RANBP2: variants seen among roughly 807,000 people sequenced by gnomAD.
RANBP2 encodes RAN binding protein 2.
A neutral mutation model predicts 303.6 loss-of-function variants in RANBP2; 57 were observed. The ratio of observed to expected loss-of-function variants is 0.19; its 90% CI spans 0.15 to 0.23. RANBP2 has a LOEUF of 0.23. RANBP2 is among the 10% of genes least tolerant of loss of function. RANBP2 has a pLI of 1.00. For missense variants in RANBP2, 3,138 were observed against 3,780.8 expected (o/e 0.83, Z 4.46); for synonymous variants, 1,167 against 1,301.5 (o/e 0.90, Z 2.23).
At chr2:109,160,076 G>A in the RANBP2 span, among the ~76,000 whole-genome samples, 1 of 152,212 alleles carries the variant, frequency 6.6e-6, no homozygotes, top group Non-Finnish European at 1.5e-5. Context: ...GTGCCAAAAA[G>A]GTTGGAGACT....
At chr2:109,613,147 T>A in the RANBP2 span, 2 of 1,286,990 alleles carry the variant, frequency 1.6e-6, no homozygotes, top group Admixed American at 2.3e-5. Flanking sequence ...TACACGACCT[T>A]GGTACTATTA....
chr2:109,165,493 T>G, the RANBP2 span, among the ~76,000 whole-genome samples: 124,070 of 152,210 alleles, frequency 0.82, 50,740 homozygotes, highest in East Asian at 0.89. Context: ...ACAGGAGCTG[T>G]CAAACTATGA....
chr2:108,835,278 CA>C, the RANBP2 span, among the ~76,000 whole-genome samples: 1 of 152,122 alleles, frequency 6.6e-6, no homozygotes. Context: ...CAATGTGCAG[CA>C]AAAGGTAATT....
chr2:108,770,259 C>T (rs929450888), intron 20 of RANBP2, among the ~76,000 whole-genome samples: 3 of 152,000 alleles, frequency 2.0e-5, no homozygotes, highest in Admixed American at 6.6e-5. Context: ...TCTGATTTAC[C>T]CAAGGTGTCT....
At chr2:108,863,323 A>G in the RANBP2 span, among the ~76,000 whole-genome samples, 2 of 152,224 alleles carry the variant, frequency 1.3e-5, no homozygotes, top group East Asian at 3.8e-4. Context: ...AAGCTTTCAC[A>G]TGGAAAAATT....
At chr2:108,850,830 AATC>A in the RANBP2 span, among the ~76,000 whole-genome samples, 32 of 151,942 alleles carry the variant, frequency 2.1e-4, 1 homozygote, top group South Asian at 1.2e-3. Flanking sequence ...ACATGACAAT[AATC>A]ATCCACACAG....
At chr2:109,267,362 G>A in the RANBP2 span, among the ~76,000 whole-genome samples, 2 of 152,174 alleles carry the variant, frequency 1.3e-5, no homozygotes, top group African/African-American at 4.8e-5. Context: ...GACCCCAAAG[G>A]TGATCACTGT....
chr2:108,914,270 T>A, the RANBP2 span, among the ~76,000 whole-genome samples: 98 of 151,100 alleles, frequency 6.5e-4, no homozygotes, highest in African/African-American at 1.6e-3. Flanking sequence ...CAAAAAAAAA[T>A]AAAATAAAAA....
the RANBP2 span, among the ~76,000 whole-genome samples, chr2:109,257,031 G>C: frequency 6.6e-6 from 1 of 152,182 alleles, no homozygotes; most frequent in African/African-American, 2.4e-5. Flanking sequence ...TTGCTGCCCT[G>C]GACTTGCACT....
At chr2:109,513,140 C>T in the RANBP2 span, among the ~76,000 whole-genome samples, 2 of 152,174 alleles carry the variant, frequency 1.3e-5, no homozygotes, top group South Asian at 4.1e-4. Context: ...GGCACAATGC[C>T]CCGACCTTCC....
At chr2:109,509,323 A>G in the RANBP2 span, among the ~76,000 whole-genome samples, 1 of 152,188 alleles carries the variant, frequency 6.6e-6, no homozygotes, top group Non-Finnish European at 1.5e-5. Flanking sequence ...TGTATCAGTC[A>G]CTTAGGCTGC....
At chr2:109,464,478 G>T in the RANBP2 span, among the ~76,000 whole-genome samples, 1 of 152,082 alleles carries the variant, frequency 6.6e-6, no homozygotes, top group Admixed American at 6.5e-5. Context: ...GTAAACATCT[G>T]TACACATATA....
the RANBP2 span, among the ~76,000 whole-genome samples, chr2:109,017,632 A>C: frequency 2.0e-5 from 3 of 152,052 alleles, no homozygotes; most frequent in Non-Finnish European, 2.9e-5. Context: ...CTTTTTTTCC[A>C]ATCTCTTTTT....
At chr2:109,020,386 T>C in the RANBP2 span, among the ~76,000 whole-genome samples, 1 of 152,142 alleles carries the variant, frequency 6.6e-6, no homozygotes, top group Non-Finnish European at 1.5e-5. Context: ...TAGAATTACG[T>C]ATAACAGCCT....
the RANBP2 span, chr2:108,812,646 G>C: frequency 1.9e-6 from 3 of 1,612,434 alleles, no homozygotes; most frequent in Non-Finnish European, 2.5e-6. Context: ...TGAAGCAAGT[G>C]AAGAAAACAG....
the RANBP2 span, among the ~76,000 whole-genome samples, chr2:109,419,976 G>A: frequency 4.0e-4 from 61 of 152,328 alleles, no homozygotes; most frequent in Admixed American, 3.1e-3. Context: ...GGGGAGAGGC[G>A]GGAGGGAAGC....
the RANBP2 span, chr2:109,546,385 T>C: frequency 2.1e-6 from 1 of 471,776 alleles, no homozygotes; most frequent in African/African-American, 2.0e-5. Flanking sequence ...AAGTTCATAG[T>C]TCAAGGAAAA....
At chr2:109,726,058 G>GGTGTGTGTGTGTGTGTGTGTGT in the RANBP2 span, among the ~76,000 whole-genome samples, 2 of 137,104 alleles carry the variant, frequency 1.5e-5, no homozygotes, top group East Asian at 2.3e-4. Flanking sequence ...TTTTGCTTTT[G>GGTGTGTGTGTGTGTGTGTGTGT]GTGTGTGTGT....
chr2:109,045,160 T>C, the RANBP2 span, among the ~76,000 whole-genome samples: 27 of 152,198 alleles, frequency 1.8e-4, no homozygotes, highest in Non-Finnish European at 3.2e-4. Flanking sequence ...GGAGGGCACA[T>C]TGATACCTGC....
Sources: gnomAD v4.1 joint callset for allele counts (sites outside exome capture counted in the v4.1 genomes callset) on GRCh38, gnomAD v4.1.1 for gene constraint, MANE v1.5 for transcripts, NCBI Gene and HGNC (gene_info 2026-07-23, HGNC 2026-07-21) for gene names.